The following TANC2 variants were observed in gnomAD, a reference collection of about 807,000 sequenced individuals.
TANC2 encodes the protein protein TANC2.
In TANC2, 26 loss-of-function variants were observed where a neutral mutation model predicts 210.5. The ratio of observed to expected loss-of-function variants is 0.12; its 90% CI spans 0.09 to 0.17. The LOEUF (loss-of-function observed/expected upper bound fraction) is 0.17. Ranked by LOEUF, TANC2 falls within the 10% of genes least tolerant of loss-of-function variation. The probability of loss-of-function intolerance (pLI) is 1.00; values close to 1 mark genes in which losing one functional copy is unlikely to be tolerated. For synonymous variants in TANC2, 931 were observed against 967.1 expected (o/e 0.96, Z 0.69); for missense variants, 2,129 against 2,608.9 (o/e 0.82, Z 4.01).
intron 17 of TANC2, among the ~76,000 whole-genome samples, chr17:63,392,535 A>G (rs993175568): frequency 6.6e-6 from 1 of 152,128 alleles, no homozygotes; most frequent in African/African-American, 2.4e-5. Context: ...CCCAACTGCC[A>G]CTATCCCCCT....
chr17:63,239,661 A>G (rs932587516), intron 8 of TANC2, among the ~76,000 whole-genome samples: 3 of 152,186 alleles, frequency 2.0e-5, no homozygotes, highest in Non-Finnish European at 4.4e-5. Flanking sequence ...CCTTCTAACT[A>G]TGTCAATCCC....
chr17:63,210,529 A>T (rs2041854001), intron 7 of TANC2, among the ~76,000 whole-genome samples: 2 of 152,272 alleles, frequency 1.3e-5, no homozygotes, highest in African/African-American at 4.8e-5. Flanking sequence ...GTCAAGATTT[A>T]TGTCTCCTAC....
intron 11 of TANC2, among the ~76,000 whole-genome samples, chr17:63,335,648 A>G (rs2046002134): frequency 6.6e-6 from 1 of 152,002 alleles, no homozygotes; most frequent in African/African-American, 2.4e-5. Context: ...AATAGAAGAC[A>G]AAGACTAAGG....
chr17:63,353,671 G>GA (rs2046689696), intron 13 of TANC2, among the ~76,000 whole-genome samples: 1 of 151,672 alleles, frequency 6.6e-6, no homozygotes, highest in Admixed American at 6.6e-5. Flanking sequence ...GGTGAGCTGG[G>GA]AAATAAAAAA....
At chr17:63,007,582 A>G (rs918883941) in intron 1 of TANC2, among the ~76,000 whole-genome samples, 3 of 151,726 alleles carry the variant, frequency 2.0e-5, no homozygotes, top group Non-Finnish European at 4.4e-5. Context: ...TATTCTTTTT[A>G]TCTCCTCAGT....
chr17:63,244,956 C>T (rs1055736199), intron 8 of TANC2, among the ~76,000 whole-genome samples: 2 of 152,034 alleles, frequency 1.3e-5, no homozygotes, highest in African/African-American at 2.4e-5. Context: ...TTGTGAGGCC[C>T]CCAGCCATGT....
At chr17:63,158,104 T>C (rs2039899972) in intron 5 of TANC2, among the ~76,000 whole-genome samples, 1 of 152,204 alleles carries the variant, frequency 6.6e-6, no homozygotes, top group South Asian at 2.1e-4. Context: ...TTATTTTTAA[T>C]GGGGTCAGTT....
intron 2 of TANC2, among the ~76,000 whole-genome samples, chr17:63,021,865 A>G (rs2034362167): frequency 6.6e-6 from 1 of 152,222 alleles, no homozygotes; most frequent in African/African-American, 2.4e-5. Context: ...TTGAGATTAC[A>G]TAAGTGGTCA....
intron 8 of TANC2, among the ~76,000 whole-genome samples, chr17:63,258,865 C>T (rs2146211252): frequency 6.6e-6 from 1 of 152,264 alleles, no homozygotes; most frequent in African/African-American, 2.4e-5. Context: ...TAATACAAAG[C>T]CCCCTTCACT....
chr17:62,978,487 A>T (rs79772782), intron 1 of TANC2: 1 of 152,202 alleles, frequency 6.6e-6, no homozygotes, highest in Non-Finnish European at 1.5e-5. Context: ...AGGGGACTCT[A>T]TGGGTCCTGT....
At chr17:63,321,727 G>A (rs1323101548) in intron 11 of TANC2, among the ~76,000 whole-genome samples, 1 of 152,088 alleles carries the variant, frequency 6.6e-6, no homozygotes, top group African/African-American at 2.4e-5. Context: ...TTTCAGTCCT[G>A]CACCTGATCT....
At chr17:63,199,661 A>C (rs569003297) in intron 6 of TANC2, among the ~76,000 whole-genome samples, 1 of 152,176 alleles carries the variant, frequency 6.6e-6, no homozygotes, top group African/African-American at 2.4e-5. Context: ...GTTTGAAAAA[A>C]TATACTTTTA....
intron 4 of TANC2, among the ~76,000 whole-genome samples, chr17:63,117,613 G>A (rs1226808716): frequency 6.6e-6 from 1 of 152,162 alleles, no homozygotes; most frequent in African/African-American, 2.4e-5. Flanking sequence ...GTAAGTTCTG[G>A]GCAGCGTAAA....
chr17:63,097,890 T>G (rs532188489), intron 3 of TANC2, among the ~76,000 whole-genome samples: 1 of 152,336 alleles, frequency 6.6e-6, no homozygotes, highest in East Asian at 1.9e-4. Flanking sequence ...TTCATCATTT[T>G]AATGTTTTCT....
intron 7 of TANC2, among the ~76,000 whole-genome samples, chr17:63,214,654 T>A (rs540453117): frequency 3.9e-4 from 59 of 152,334 alleles, no homozygotes; most frequent in African/African-American, 1.4e-3. Context: ...TCCTCAGGCC[T>A]GTTTTATACA....
At chr17:63,299,162 A>G (rs1489332239) in intron 9 of TANC2, among the ~76,000 whole-genome samples, 1 of 151,968 alleles carries the variant, frequency 6.6e-6, no homozygotes, top group East Asian at 1.9e-4. Flanking sequence ...TTTATTTATC[A>G]AGTCTATCAT....
chr17:63,339,287 A>G (rs1016553649), intron 11 of TANC2, among the ~76,000 whole-genome samples: 15 of 152,334 alleles, frequency 9.8e-5, no homozygotes, highest in African/African-American at 3.6e-4. Context: ...GTAATGAGCC[A>G]GAAAAGTGGT....
At chr17:63,086,889 A>C (rs893096150) in intron 3 of TANC2, among the ~76,000 whole-genome samples, 3 of 152,030 alleles carry the variant, frequency 2.0e-5, no homozygotes, top group African/African-American at 7.3e-5. Context: ...TCAGCATTCT[A>C]TAAAATGGAC....
At chr17:63,022,136 C>A (rs8080019) in intron 2 of TANC2, among the ~76,000 whole-genome samples, 3,414 of 151,970 alleles carry the variant, frequency 0.022, 148 homozygotes, top group African/African-American at 0.078. Flanking sequence ...GTCAGGAGTT[C>A]AAGATCAGCC....
Sources: gnomAD v4.1 joint callset for allele counts (sites outside exome capture counted in the v4.1 genomes callset) on GRCh38, gnomAD v4.1.1 for gene constraint, MANE v1.5 for transcripts, NCBI Gene and HGNC (gene_info 2026-07-23, HGNC 2026-07-21) for gene names.